Variants in SCTR observed in about 807,000 individuals in gnomAD.
SCTR encodes the protein pancreatic secretin receptor.
A neutral mutation model predicts 60.8 loss-of-function variants in SCTR; 56 were observed. The ratio of observed to expected loss-of-function variants is 0.92; its 90% CI spans 0.74 to 1.15. The LOEUF (loss-of-function observed/expected upper bound fraction) is 1.15. SCTR is among the 50% of genes most tolerant of loss of function. The probability of loss-of-function intolerance (pLI) is 0.00; values close to 1 mark genes in which losing one functional copy is unlikely to be tolerated. For missense variants in SCTR, 562 were observed against 550.4 expected (o/e 1.02, Z -0.21); for synonymous variants, 202 against 217.0 (o/e 0.93, Z 0.61).
At chr2:119,477,550 A>C (rs1677385997) in intron 3 of SCTR, among the ~76,000 whole-genome samples, 1 of 152,060 alleles carries the variant, frequency 6.6e-6, no homozygotes, top group Non-Finnish European at 1.5e-5. Flanking sequence ...TCCCAGGTTC[A>C]AGTGATTCTC....
intron 5 of SCTR, 34 bp from the exon 6 acceptor site, chr2:119,464,289 G>A: frequency 1.2e-6 from 2 of 1,613,306 alleles, no homozygotes; most frequent in Non-Finnish European, 1.7e-6. Context: ...ATAGAGGCCA[G>A]AGCCTGAGGG....
At position 119,464,085 on chromosome 2, in the gene SCTR, C is replaced by T. The variant is rs372461717; in HGVS notation, c.636+38G>A. The T allele has an allele frequency of 1.6e-4, 253 of 1,610,952 alleles. 1 individual carries two copies. The Middle Eastern group carries it at 3.1e-3, about 20-fold the overall frequency. ...CCAAAGCTAGGCTGGGGAAGGCAGG[C>T]GGGCCTGGCGACATCCTGGGGCACC... On this transcript the variant is annotated intron_variant, in intron 6 of 12. Coordinates refer to ENST00000019103, the MANE Select transcript of SCTR (RefSeq NM_002980.3).
At position 119,454,637 on chromosome 2, in the gene SCTR, C is replaced by T. The variant is rs530766423; in HGVS notation, c.791-1290G>A. On this transcript the variant is annotated intron_variant, in intron 7 of 12. Transcript: ENST00000019103. Reference sequence around the variant, plus strand: ...GGGAGGCTGAGGCAGGTGGATCACCCGAGGTCAGGAGTTCGAGACCAGCCT... The same window carrying T: ...GGGAGGCTGAGGCAGGTGGATCACCTGAGGTCAGGAGTTCGAGACCAGCCT... 1.8e-4 allele frequency among the ~76,000 whole-genome samples: 28 copies of T among 152,110 alleles called. No individual in the cohort carries two copies. The South Asian group carries it at 5.8e-3, about 32-fold the overall frequency.
Position 119,446,677 on chromosome 2 carries a change from G to A in SCTR, c.1140+82C>T, listed in dbSNP as rs528571866. On this transcript the variant is annotated intron_variant, in intron 11 of 12. Transcript: ENST00000019103. ...CTCTGCCAGATAAGGCATCTGGCTC[G>A]CAGTCTCTATGCCCTCCACTTCTCC... 118 of 1,277,912 alleles carry A rather than the reference G, an allele frequency of 9.2e-5. 2 individuals carry two copies. In the South Asian group the frequency reaches 2.4e-3, roughly 26 times the overall value. The allele number at this position is 1,277,912 out of a possible 1,614,324, so 79.2% of individuals were successfully genotyped here.
chr2:119,494,606 G>A, intron 1 of SCTR, 58 bp from the exon 2 acceptor site: 4 of 1,580,418 alleles, frequency 2.5e-6, no homozygotes, highest in Non-Finnish European at 3.5e-6. Context: ...TTGCCACATG[G>A]GGGAGAATGG....
chr2:119,511,082 A>G (rs965652221), intron 1 of SCTR, among the ~76,000 whole-genome samples: 4 of 152,048 alleles, frequency 2.6e-5, no homozygotes, highest in African/African-American at 9.7e-5. Flanking sequence ...GAGCACCTGT[A>G]GTCCTGGCTA....
At chr2:119,497,315 G>C (rs1678389510) in intron 1 of SCTR, among the ~76,000 whole-genome samples, 1 of 151,006 alleles carries the variant, frequency 6.6e-6, no homozygotes, top group Non-Finnish European at 1.5e-5. Context: ...CTGGTCATAA[G>C]AAGGGAGCAC....
intron 7 of SCTR, among the ~76,000 whole-genome samples, chr2:119,459,561 C>A (rs1376809993): frequency 6.6e-6 from 1 of 152,134 alleles, no homozygotes; most frequent in Non-Finnish European, 1.5e-5. Flanking sequence ...GGGCTTCAGG[C>A]CTTCTAGGGA....
chr2:119,518,932 G>A (rs767924058), intron 1 of SCTR, among the ~76,000 whole-genome samples: 37 of 152,120 alleles, frequency 2.4e-4, no homozygotes, highest in Admixed American at 4.6e-4. Flanking sequence ...GAAGTTCTGC[G>A]GGAACTCCAA....
chr2:119,524,451 T>C lies in SCTR; in HGVS notation c.-225A>G, dbSNP rs1679392301. On this transcript the variant is annotated 5_prime_UTR_variant, in exon 1 of 13. Coordinates refer to ENST00000019103, the MANE Select transcript of SCTR (RefSeq NM_002980.3). ...CCGCCCCATTGATCAGGACGCGGCT[T>C]TGCCGGCGCGCCTCCTCCACCCGGC... The C allele has an allele frequency of 8.4e-6, 3 of 357,008 alleles. No individual in the cohort carries two copies. The allele number at this position is 357,008 out of a possible 1,614,324, so 22.1% of individuals were successfully genotyped here.
intron 11 of SCTR, among the ~76,000 whole-genome samples, chr2:119,441,909 G>A (rs1682671844): frequency 6.6e-6 from 1 of 152,184 alleles, no homozygotes; most frequent in African/African-American, 2.4e-5. Flanking sequence ...GGAGCCACAG[G>A]GATGGGTGGC....
At chr2:119,522,463 C>G (rs1344714934) in intron 1 of SCTR, among the ~76,000 whole-genome samples, 1 of 152,124 alleles carries the variant, frequency 6.6e-6, no homozygotes, top group Admixed American at 6.5e-5. Flanking sequence ...ACTTGCTGAT[C>G]TCGGGCAGCT....
At position 119,515,733 on chromosome 2, in the gene SCTR, C is replaced by T. The variant is rs546089626; in HGVS notation, c.72+8422G>A. Among the ~76,000 whole-genome samples, 7 of 152,308 alleles carry T rather than the reference C, an allele frequency of 4.6e-5. No homozygotes were observed. The South Asian group carries it at 1.2e-3, about 27-fold the overall frequency. ...CTGACTGAGTTCCACCATCATCTTCCCTGATTCTGAGGCGGTCAGACTCAG... is the reference window on the plus strand; with the variant it reads ...CTGACTGAGTTCCACCATCATCTTCTCTGATTCTGAGGCGGTCAGACTCAG... On this transcript the variant is annotated intron_variant, in intron 1 of 12. Coordinates refer to ENST00000019103, the MANE Select transcript of SCTR (RefSeq NM_002980.3).
intron 7 of SCTR, among the ~76,000 whole-genome samples, chr2:119,454,993 T>C (rs1226175551): frequency 1.3e-5 from 2 of 152,216 alleles, no homozygotes; most frequent in Non-Finnish European, 2.9e-5. Flanking sequence ...ACTGTGTTGA[T>C]TGTGGCTACT....
At chr2:119,506,802 T>C (rs1423753568) in intron 1 of SCTR, among the ~76,000 whole-genome samples, 1 of 151,966 alleles carries the variant, frequency 6.6e-6, no homozygotes, top group African/African-American at 2.4e-5. Context: ...AATGACAAAA[T>C]TATAGAAATG....
intron 11 of SCTR, among the ~76,000 whole-genome samples, chr2:119,444,370 TATATACGTATGAATATATATACAC>T (rs1558831090): frequency 5.0e-5 from 7 of 139,802 alleles, no homozygotes; most frequent in Admixed American, 1.4e-4. Context: ...TATATACACA[TATATACGTATGAATATATATACAC>T]ATATACGTAT....
chr2:119,464,472 C>T (rs951789285), intron 5 of SCTR, among the ~76,000 whole-genome samples: 1 of 151,498 alleles, frequency 6.6e-6, no homozygotes, highest in African/African-American at 2.4e-5. Context: ...AAAAAAAAGG[C>T]CAGCCACAGT....
chr2:119,518,573 C>T (rs925976507), intron 1 of SCTR, among the ~76,000 whole-genome samples: 2 of 152,176 alleles, frequency 1.3e-5, no homozygotes, highest in Non-Finnish European at 2.9e-5. Flanking sequence ...AATGTAGAGG[C>T]TGGGTGGGCC....
rs751704395 is a variant in SCTR, at chr2:119,486,137, G to C, written c.194-7219C>G. The C allele has an allele frequency of 1.8e-4, 28 of 152,206 alleles. 1 individual carries two copies. Among genetic ancestry groups the C allele is most frequent in the Middle Eastern group, 3.2e-3 (1 of 316 alleles). The allele number at this position is 152,206 out of a possible 1,614,324, so 9.4% of individuals were successfully genotyped here. On this transcript the variant is annotated intron_variant, in intron 2 of 12. Transcript: ENST00000019103. ...ACATCGCAGGAGAAACAGCTAAAGA[G>C]TCTTGGAACCAGGAATCATAAGCTG...
Sources: gnomAD v4.1 joint callset for allele counts (sites outside exome capture counted in the v4.1 genomes callset) on GRCh38, gnomAD v4.1.1 for gene constraint, MANE v1.5 for transcripts, NCBI Gene and HGNC (gene_info 2026-07-23, HGNC 2026-07-21) for gene names.